Variants in CADPS2 observed in about 807,000 individuals in gnomAD.
CADPS2 encodes the protein calcium dependent secretion activator 2.
In CADPS2, 93 loss-of-function variants were observed where a neutral mutation model predicts 172.5. The observed-to-expected ratio is 0.54, with a 90% confidence interval of 0.46 to 0.64. The LOEUF (loss-of-function observed/expected upper bound fraction) is 0.64, where lower values mean the gene tolerates loss of function less well. Ranked by LOEUF, CADPS2 falls within the 30% of genes least tolerant of loss-of-function variation. The probability of loss-of-function intolerance (pLI) is 0.00; values close to 1 mark genes in which losing one functional copy is unlikely to be tolerated. For missense variants in CADPS2, 1,420 were observed against 1,565.9 expected (o/e 0.91, Z 1.57); for synonymous variants, 546 against 555.2 (o/e 0.98, Z 0.23).
At chr7:122,835,490 T>C (rs1024214351) in intron 1 of CADPS2, among the ~76,000 whole-genome samples, 1 of 152,216 alleles carries the variant, frequency 6.6e-6, no homozygotes, top group African/African-American at 2.4e-5. Context: ...TTCTCTGAGC[T>C]AAAGGCAGAA....
intron 1 of CADPS2, among the ~76,000 whole-genome samples, chr7:122,745,274 C>T (rs1223952663): frequency 1.3e-5 from 2 of 151,716 alleles, no homozygotes; most frequent in Non-Finnish European, 2.9e-5. Flanking sequence ...TGAAACTTTG[C>T]CCTCTTCTAA....
intron 2 of CADPS2, chr7:122,676,502 C>T: frequency 2.3e-6 from 1 of 438,562 alleles, no homozygotes; most frequent in Non-Finnish European, 4.0e-6. Context: ...ATCTCGACTG[C>T]TCACTACATT....
intron 2 of CADPS2, among the ~76,000 whole-genome samples, chr7:122,717,751 T>G (rs2192019): frequency 0.99 from 150,974 of 152,228 alleles, 74,874 homozygotes; most frequent in Non-Finnish European, 1. Flanking sequence ...AAAATTCCTG[T>G]GCAGAAAAAT....
At chr7:122,340,841 G>T (rs546457345) in intron 28 of CADPS2, among the ~76,000 whole-genome samples, 1 of 140,240 alleles carries the variant, frequency 7.1e-6, no homozygotes, top group African/African-American at 2.7e-5. Flanking sequence ...TGCTCACAAT[G>T]ATGCCTTATG....
intron 1 of CADPS2, among the ~76,000 whole-genome samples, chr7:122,785,402 G>A (rs578000750): frequency 6.6e-6 from 1 of 152,246 alleles, no homozygotes; most frequent in Non-Finnish European, 1.5e-5. Flanking sequence ...GAGTTGTTCT[G>A]TGGTTTATTT....
chr7:122,795,723 G>A (rs560732563), intron 1 of CADPS2, among the ~76,000 whole-genome samples: 2 of 152,076 alleles, frequency 1.3e-5, no homozygotes, highest in African/African-American at 4.8e-5. Flanking sequence ...CAAAATAAGA[G>A]CCATCTATGA....
chr7:122,619,675 A>G (rs1430319189), intron 5 of CADPS2, among the ~76,000 whole-genome samples: 1 of 152,146 alleles, frequency 6.6e-6, no homozygotes, highest in Non-Finnish European at 1.5e-5. Flanking sequence ...AAGTTATACT[A>G]TAATTAAGGG....
At chr7:122,632,850 T>A (rs938258525) in intron 3 of CADPS2, among the ~76,000 whole-genome samples, 2 of 152,240 alleles carry the variant, frequency 1.3e-5, no homozygotes, top group Non-Finnish European at 2.9e-5. Context: ...AAGTCGTTAA[T>A]CCACCCTGAG....
chr7:122,807,033 T>C (rs1563064839), intron 1 of CADPS2, among the ~76,000 whole-genome samples: 1 of 152,210 alleles, frequency 6.6e-6, no homozygotes, highest in Non-Finnish European at 1.5e-5. Context: ...CATTAGGGGA[T>C]ACTGTAAGGA....
intron 24 of CADPS2, among the ~76,000 whole-genome samples, chr7:122,379,854 T>G (rs2042783628): frequency 6.6e-6 from 1 of 152,146 alleles, no homozygotes; most frequent in Non-Finnish European, 1.5e-5. Context: ...CAACTCTCAT[T>G]CATAAGTTAT....
At chr7:122,376,872 TTCTG>T (rs1310459015) in intron 25 of CADPS2, among the ~76,000 whole-genome samples, 2 of 152,164 alleles carry the variant, frequency 1.3e-5, no homozygotes, top group African/African-American at 4.8e-5. Flanking sequence ...TGTACAATTT[TTCTG>T]TCTGTTAATA....
At chr7:122,750,532 T>C (rs1420457746) in intron 1 of CADPS2, among the ~76,000 whole-genome samples, 1 of 152,114 alleles carries the variant, frequency 6.6e-6, no homozygotes, top group East Asian at 1.9e-4. Flanking sequence ...TAATAATGTC[T>C]CCTGGCTCCA....
At chr7:122,710,540 G>A (rs1472037972) in intron 2 of CADPS2, among the ~76,000 whole-genome samples, 1 of 152,086 alleles carries the variant, frequency 6.6e-6, no homozygotes, top group Non-Finnish European at 1.5e-5. Context: ...GGGCCTTGAT[G>A]AGTATTGGAT....
In CADPS2 at chr7:122,425,138, G is replaced by A. The variant is rs145853657; in HGVS notation, c.2477-8974C>T. 1.1e-4 allele frequency among the ~76,000 whole-genome samples: 17 copies of A among 151,792 alleles called. No homozygotes were observed. The East Asian group carries it at 2.1e-3, about 19-fold the overall frequency. ...AGTAGCTGGAGGAGTGCACCACCAC[G>A]CCCAACTAATTAAGTTTCTTTTTAT... is the stretch of plus-strand genomic sequence containing the variant. On this transcript the variant is annotated intron_variant, in intron 17 of 29. Transcript: ENST00000449022.
intron 27 of CADPS2, among the ~76,000 whole-genome samples, chr7:122,350,839 A>G (rs2038442698): frequency 6.6e-6 from 1 of 151,926 alleles, no homozygotes; most frequent in Non-Finnish European, 1.5e-5. Context: ...GTAAAAAATT[A>G]GCCAGGCATG....
In CADPS2 at chr7:122,607,674, T is replaced by C. The variant is rs190535191; in HGVS notation, c.1223+7507A>G. Among the ~76,000 whole-genome samples, 223 of 152,284 alleles carry C rather than the reference T, an allele frequency of 1.5e-3. 1 individual carries two copies. Among genetic ancestry groups the C allele is most frequent in the Admixed American group, 2.4e-3 (37 of 15,282 alleles). ...TTCTTATTAATTCAGATGCCTCTCA[T>C]TTTAAAGATCCCCAGATTGCTCCCT... is the stretch of plus-strand genomic sequence containing the variant. On this transcript the variant is annotated intron_variant, in intron 6 of 29. Coordinates refer to ENST00000449022, the MANE Select transcript of CADPS2 (RefSeq NM_017954.11).
At chr7:122,822,666 C>T (rs538831329) in intron 1 of CADPS2, among the ~76,000 whole-genome samples, 9 of 150,766 alleles carry the variant, frequency 6.0e-5, no homozygotes, top group African/African-American at 2.0e-4. Context: ...CCCTGCCCCA[C>T]CTTAACTGAT....
At chr7:122,838,758 A>G (rs1464600827) in intron 1 of CADPS2, among the ~76,000 whole-genome samples, 2 of 152,204 alleles carry the variant, frequency 1.3e-5, no homozygotes, top group Non-Finnish European at 2.9e-5. Context: ...ACTACAAACC[A>G]CTGCTCAACG....
At chr7:122,485,133 C>T (rs1367815979) in intron 11 of CADPS2, among the ~76,000 whole-genome samples, 1 of 152,152 alleles carries the variant, frequency 6.6e-6, no homozygotes, top group East Asian at 1.9e-4. Flanking sequence ...TATTTCCTGA[C>T]ACACAACAAT....
Sources: allele counts gnomAD v4.1 joint callset (sites outside exome capture counted in the v4.1 genomes callset), GRCh38; gene constraint gnomAD v4.1.1; transcripts MANE v1.5; gene names NCBI Gene and HGNC (gene_info 2026-07-23, HGNC 2026-07-21).